ANO2: variants seen among roughly 807,000 people sequenced by gnomAD.
ANO2 encodes anoctamin 2.
A neutral mutation model predicts 124.2 loss-of-function variants in ANO2; 101 were observed. The ratio of observed to expected loss-of-function variants is 0.81; its 90% CI spans 0.69 to 0.96. The LOEUF is 0.96. ANO2 is among the 40% of genes least tolerant of loss of function. ANO2 has a pLI of 0.00. For synonymous variants in ANO2, 486 were observed against 482.5 expected (o/e 1.01, Z -0.09); for missense variants, 1,293 against 1,274.5 (o/e 1.01, Z -0.22).
chr12:5,794,374 A>G (rs1354932520), intron 10 of ANO2, among the ~76,000 whole-genome samples: 1 of 152,206 alleles, frequency 6.6e-6, no homozygotes, highest in Non-Finnish European at 1.5e-5. Context: ...AAGGTCTGCA[A>G]GCCAAGTTCT....
chr12:5,926,578 C>G (rs12372694), intron 1 of ANO2, among the ~76,000 whole-genome samples: 1 of 151,738 alleles, frequency 6.6e-6, no homozygotes, highest in African/African-American at 2.4e-5. Flanking sequence ...CTGGACCATG[C>G]TTCCCTACAC....
At chr12:5,616,691 T>C (rs1944825839) in intron 16 of ANO2, among the ~76,000 whole-genome samples, 2 of 152,174 alleles carry the variant, frequency 1.3e-5, no homozygotes, top group Non-Finnish European at 2.9e-5. Flanking sequence ...AATTCACATA[T>C]AGCTTTTGTA....
intron 14 of ANO2, among the ~76,000 whole-genome samples, chr12:5,714,166 G>A (rs1949928973): frequency 6.6e-6 from 1 of 152,206 alleles, no homozygotes; most frequent in Non-Finnish European, 1.5e-5. Context: ...TCACTCCAGA[G>A]TTAACTTTGT....
At chr12:5,651,049 G>A (rs998944742) in intron 14 of ANO2, among the ~76,000 whole-genome samples, 2 of 152,226 alleles carry the variant, frequency 1.3e-5, no homozygotes, top group African/African-American at 4.8e-5. Context: ...GCATATGAGA[G>A]AGCTTTGTAA....
chr12:5,713,959 G>T (rs1329293980), intron 14 of ANO2, among the ~76,000 whole-genome samples: 2 of 152,188 alleles, frequency 1.3e-5, no homozygotes, highest in Non-Finnish European at 2.9e-5. Flanking sequence ...TTCTGCCAGA[G>T]AAAGGAGACA....
intron 23 of ANO2, among the ~76,000 whole-genome samples, chr12:5,571,868 A>T (rs2136830141): frequency 6.6e-6 from 1 of 152,206 alleles, no homozygotes; most frequent in East Asian, 1.9e-4. Flanking sequence ...AGTGGATAGG[A>T]CTCATATGAG....
intron 3 of ANO2, among the ~76,000 whole-genome samples, chr12:5,914,457 T>C (rs763765554): frequency 5.9e-5 from 9 of 152,174 alleles, no homozygotes; most frequent in Non-Finnish European, 1.2e-4. Context: ...GGGAAATTCC[T>C]GGATTCACAC....
intron 1 of ANO2, among the ~76,000 whole-genome samples, chr12:5,941,797 T>C (rs765295413): frequency 6.6e-6 from 1 of 152,156 alleles, no homozygotes; most frequent in African/African-American, 2.4e-5. Flanking sequence ...GAAGAATATT[T>C]AAATATGAAT....
At chr12:5,819,163 G>A (rs1243940906) in intron 7 of ANO2, among the ~76,000 whole-genome samples, 1 of 152,160 alleles carries the variant, frequency 6.6e-6, no homozygotes, top group Non-Finnish European at 1.5e-5. Context: ...GCAGTTGCCA[G>A]GCAAAATAAT....
chr12:5,843,981 A>G (rs1327473256), intron 4 of ANO2, among the ~76,000 whole-genome samples: 2 of 152,226 alleles, frequency 1.3e-5, no homozygotes, highest in African/African-American at 4.8e-5. Flanking sequence ...CTGAAGAAAA[A>G]CTAACAGGTA....
Position 5,717,200 on chromosome 12 carries a change from G to C in ANO2, c.1545+15320C>G, listed in dbSNP as rs1591980333. Among the ~76,000 whole-genome samples, 4 of 152,298 alleles carry C rather than the reference G, an allele frequency of 2.6e-5. No homozygotes were observed. In the East Asian group the frequency reaches 7.7e-4, roughly 29 times the overall value. ...TATGTGGGAACTGTGCAGAAGCCCA[G>C]CACAGAGCAAGCCCTTGGATTGCTC... On this transcript the variant is annotated intron_variant, in intron 14 of 24. Coordinates refer to ENST00000682330, the MANE Select transcript of ANO2 (RefSeq NM_001364791.2).
intron 1 of ANO2, among the ~76,000 whole-genome samples, chr12:5,924,930 T>G (rs1242256098): frequency 1.3e-5 from 2 of 152,190 alleles, no homozygotes; most frequent in Non-Finnish European, 2.9e-5. Flanking sequence ...AGATATTTTT[T>G]GGTTTACATG....
At chr12:5,750,219 G>A (rs534308561) in intron 11 of ANO2, among the ~76,000 whole-genome samples, 2 of 152,168 alleles carry the variant, frequency 1.3e-5, no homozygotes, top group African/African-American at 4.8e-5. Flanking sequence ...ACAGGTGTGA[G>A]CCACCATACT....
chr12:5,893,085 C>CA (rs1565755822), intron 3 of ANO2, among the ~76,000 whole-genome samples: 1 of 151,960 alleles, frequency 6.6e-6, no homozygotes, highest in Non-Finnish European at 1.5e-5. Flanking sequence ...CAAGTATATC[C>CA]AAAAATCAAC....
At chr12:5,575,394 A>T (rs1201589658) in intron 23 of ANO2, among the ~76,000 whole-genome samples, 1 of 152,236 alleles carries the variant, frequency 6.6e-6, no homozygotes, top group African/African-American at 2.4e-5. Context: ...AGCAGGAGAC[A>T]GAGGGAAAGG....
intron 20 of ANO2, among the ~76,000 whole-genome samples, chr12:5,580,015 T>A (rs1281061579): frequency 6.6e-6 from 1 of 152,122 alleles, no homozygotes; most frequent in Non-Finnish European, 1.5e-5. Flanking sequence ...CATCTTTATT[T>A]CCCACTGAGA....
At chr12:5,903,491 C>T (rs979237746) in intron 3 of ANO2, among the ~76,000 whole-genome samples, 1 of 152,124 alleles carries the variant, frequency 6.6e-6, no homozygotes, top group Non-Finnish European at 1.5e-5. Flanking sequence ...TATAATTTCC[C>T]CACGGTTATA....
chr12:5,784,461 T>G (rs1012490350), intron 10 of ANO2, among the ~76,000 whole-genome samples: 2 of 152,310 alleles, frequency 1.3e-5, no homozygotes, highest in East Asian at 3.9e-4. Context: ...GTAGACTGAA[T>G]GATGAGTGAG....
rs531228203 is a variant in ANO2 at position 5,631,741 on chromosome 12, C to T, written c.1816+3411G>A. On this transcript the variant is annotated intron_variant, in intron 16 of 24. Transcript: ENST00000682330. Reference sequence around the variant, plus strand: ...GCAGTCACAGCAGCATGAGCAAGGCCGGGGTGGGACAACACAGGGAGGCTA... The same window carrying T: ...GCAGTCACAGCAGCATGAGCAAGGCTGGGGTGGGACAACACAGGGAGGCTA... 3.9e-5 allele frequency among the ~76,000 whole-genome samples: 6 copies of T among 152,156 alleles called. No homozygotes were observed. The South Asian group carries it at 8.3e-4, about 21-fold the overall frequency.
Sources: allele counts gnomAD v4.1 joint callset (sites outside exome capture counted in the v4.1 genomes callset), GRCh38; gene constraint gnomAD v4.1.1; transcripts MANE v1.5; gene names NCBI Gene and HGNC (gene_info 2026-07-23, HGNC 2026-07-21).